TENM4: variants seen among roughly 807,000 people sequenced by gnomAD.
TENM4 encodes the protein teneurin-4.
TENM4 carries 82 observed loss-of-function variants against 243.3 expected under a neutral mutation model. The ratio of observed to expected loss-of-function variants is 0.34; its 90% CI spans 0.28 to 0.40. The LOEUF is 0.40. Ranked by LOEUF, TENM4 falls within the 10% of genes least tolerant of loss-of-function variation. The pLI is 1.00. For missense variants in TENM4, 3,138 were observed against 3,673.3 expected (o/e 0.85, Z 3.77); for synonymous variants, 1,412 against 1,456.3 (o/e 0.97, Z 0.69).
intron 4 of TENM4, among the ~76,000 whole-genome samples, chr11:79,074,371 G>A (rs1471183040): frequency 6.6e-6 from 1 of 152,128 alleles, no homozygotes; most frequent in East Asian, 1.9e-4. Flanking sequence ...AAGGAATGCT[G>A]GGGAAGGGGC....
At chr11:79,185,586 T>G (rs1043244685) in intron 3 of TENM4, among the ~76,000 whole-genome samples, 2 of 152,168 alleles carry the variant, frequency 1.3e-5, no homozygotes, top group Admixed American at 6.5e-5. Context: ...ATGTGGAATT[T>G]TCCACAGAAT....
chr11:79,157,070 A>C (rs923836288), intron 3 of TENM4, among the ~76,000 whole-genome samples: 8 of 152,162 alleles, frequency 5.3e-5, no homozygotes, highest in Non-Finnish European at 7.4e-5. Flanking sequence ...GGGGACTTGG[A>C]GATCACTTAT....
chr11:79,148,236 G>T (rs1474443161), intron 4 of TENM4, among the ~76,000 whole-genome samples: 2 of 152,144 alleles, frequency 1.3e-5, no homozygotes, highest in Non-Finnish European at 2.9e-5. Flanking sequence ...CTTGAGGAGG[G>T]ACATGCTGTT....
chr11:78,725,112 C>T (rs1056088199), intron 23 of TENM4, among the ~76,000 whole-genome samples: 4 of 152,330 alleles, frequency 2.6e-5, no homozygotes, highest in Admixed American at 6.5e-5. Context: ...TTTCTGAATG[C>T]GTTCTATTCC....
chr11:78,967,497 G>C (rs912659528), intron 6 of TENM4, among the ~76,000 whole-genome samples: 1 of 152,202 alleles, frequency 6.6e-6, no homozygotes, highest in Admixed American at 6.5e-5. Context: ...GGGCTGTACT[G>C]TAGAAGGATC....
At chr11:79,064,647 A>C (rs771824712) in intron 6 of TENM4, 91 bp downstream of exon 6, 1 of 1,494,482 alleles carries the variant, frequency 6.7e-7, no homozygotes, top group Non-Finnish European at 9.0e-7. Context: ...ACTTCACCAG[A>C]GCCCCGGCAG....
chr11:79,199,380 G>A (rs1002166470), intron 3 of TENM4, among the ~76,000 whole-genome samples: 3 of 152,190 alleles, frequency 2.0e-5, no homozygotes, highest in Admixed American at 6.5e-5. Context: ...TGTTTCAGCC[G>A]CCTCATCTGC....
intron 2 of TENM4, among the ~76,000 whole-genome samples, chr11:79,230,509 GC>G (rs1226419964): frequency 6.6e-6 from 1 of 152,208 alleles, no homozygotes; most frequent in Non-Finnish European, 1.5e-5. Flanking sequence ...GTGGGGTCCA[GC>G]CTCTGCCTGT....
At chr11:79,293,725 A>T (rs147801556) in intron 2 of TENM4, among the ~76,000 whole-genome samples, 140 of 152,156 alleles carry the variant, frequency 9.2e-4, no homozygotes, top group African/African-American at 3.0e-3. Flanking sequence ...GGCCCAGGCA[A>T]CATGTCCACC....
chr11:79,363,379 T>A (rs186732669), intron 1 of TENM4, among the ~76,000 whole-genome samples: 2 of 152,304 alleles, frequency 1.3e-5, no homozygotes, highest in East Asian at 3.9e-4. Context: ...TGTAAAAAAA[T>A]GTGGAACTGG....
rs145227396 is a variant in TENM4, at chr11:78,687,822, C to T, written c.5260+232G>A. 3.3e-3 allele frequency among the ~76,000 whole-genome samples: 495 copies of T among 152,274 alleles called. 2 individuals carry two copies. Among genetic ancestry groups the T allele is most frequent in the Middle Eastern group, 0.014 (4 of 294 alleles). On this transcript the variant is annotated intron_variant, in intron 29 of 33. Transcript: ENST00000278550. Reference sequence around the variant, plus strand: ...GGATTAGCAGCTAATGAATTCCCTACCCTTTGTTCTGATAACAGGATAGGA... The same window carrying T: ...GGATTAGCAGCTAATGAATTCCCTATCCTTTGTTCTGATAACAGGATAGGA...
At chr11:79,282,357 C>T (rs1381885990) in intron 2 of TENM4, among the ~76,000 whole-genome samples, 1 of 152,148 alleles carries the variant, frequency 6.6e-6, no homozygotes, top group Non-Finnish European at 1.5e-5. Context: ...GGGCCTGGCA[C>T]AGGAAAGGAG....
At chr11:78,735,024 G>A (rs1051686585) in intron 20 of TENM4, among the ~76,000 whole-genome samples, 1 of 152,174 alleles carries the variant, frequency 6.6e-6, no homozygotes, top group Non-Finnish European at 1.5e-5. Context: ...TCCACCATGT[G>A]GGAATGGGCC....
intron 28 of TENM4, among the ~76,000 whole-genome samples, chr11:78,696,126 A>G (rs992529446): frequency 2.6e-5 from 4 of 151,946 alleles, no homozygotes; most frequent in Middle Eastern, 6.8e-3. Flanking sequence ...TCTATTAACC[A>G]TCTTCTTTCC....
At chr11:78,862,474 A>G (rs1160948128) in intron 10 of TENM4, among the ~76,000 whole-genome samples, 2 of 152,198 alleles carry the variant, frequency 1.3e-5, no homozygotes, top group Non-Finnish European at 2.9e-5. Context: ...GCTCAGGCAA[A>G]TAAGTGACTT....
intron 18 of TENM4, among the ~76,000 whole-genome samples, chr11:78,759,004 C>T (rs1281206043): frequency 6.6e-6 from 1 of 152,218 alleles, no homozygotes; most frequent in Non-Finnish European, 1.5e-5. Context: ...TAGTATCTGA[C>T]ACATGGTATC....
chr11:78,662,789 C>T (rs1858063787), intron 32 of TENM4, among the ~76,000 whole-genome samples: 1 of 152,170 alleles, frequency 6.6e-6, no homozygotes, highest in African/African-American at 2.4e-5. Context: ...GAGACATGGG[C>T]ATGAATAACA....
At chr11:79,107,914 C>G (rs1318504384) in intron 4 of TENM4, among the ~76,000 whole-genome samples, 2 of 152,222 alleles carry the variant, frequency 1.3e-5, no homozygotes, top group African/African-American at 4.8e-5. Context: ...AGTGATAGCA[C>G]TGGGATCTGA....
intron 2 of TENM4, among the ~76,000 whole-genome samples, chr11:79,227,838 A>G (rs1261522913): frequency 6.6e-6 from 1 of 152,194 alleles, no homozygotes; most frequent in African/African-American, 2.4e-5. Context: ...AATGAAACTG[A>G]GGCAGACCAA....
Sources: allele counts gnomAD v4.1 joint callset (sites outside exome capture counted in the v4.1 genomes callset), GRCh38; gene constraint gnomAD v4.1.1; transcripts MANE v1.5; gene names NCBI Gene and HGNC (gene_info 2026-07-23, HGNC 2026-07-21).